LIMA1: variants seen among roughly 807,000 people sequenced by gnomAD.
LIMA1 encodes LIM domain and actin-binding protein 1.
LIMA1 carries 52 observed loss-of-function variants against 62.6 expected under a neutral mutation model. That is an observed-to-expected ratio of 0.83 (90% CI 0.67 to 1.05). LIMA1 has a LOEUF of 1.05. Ranked by LOEUF, LIMA1 falls within the 50% of genes least tolerant of loss-of-function variation. The probability of loss-of-function intolerance (pLI) is 0.00; values close to 1 mark genes in which losing one functional copy is unlikely to be tolerated. For missense variants in LIMA1, 780 were observed against 902.2 expected (o/e 0.86, Z 1.74); for synonymous variants, 302 against 317.8 (o/e 0.95, Z 0.53).
chr12:50,243,988 C>T (rs1335640733), intron 2 of LIMA1, among the ~76,000 whole-genome samples: 1 of 152,054 alleles, frequency 6.6e-6, no homozygotes, highest in Admixed American at 6.5e-5. Context: ...GATCTTGGCT[C>T]ACCACAACCT....
Position 50,178,034 on chromosome 12 carries a change from T to C in LIMA1, c.1310A>G (p.Tyr437Cys), listed in dbSNP as rs1446434339. Reference sequence around the variant, plus strand: ...GAGTTGATTGAAGTGAGGCTTACAATAGATTCTTCCATGTAAAGATGCATA... The same window carrying C: ...GAGTTGATTGAAGTGAGGCTTACAACAGATTCTTCCATGTAAAGATGCATA... ...GTYASLHGRI[Y>C]CKPHFNQLFK... Residue 437 changes from tyrosine to cysteine, a missense_variant, in exon 11 of 11, where the codon TAT (tyrosine) becomes TGT (cysteine). Tyr to Cys is a radical substitution (Grantham distance 194). Transcript: ENST00000341247. The C allele has an allele frequency of 2.6e-6, 4 of 1,555,472 alleles. No individual in the cohort carries two copies. Among genetic ancestry groups the C allele is most frequent in the Admixed American group, 2.1e-5 (1 of 48,494 alleles).
At chr12:50,241,711 T>G (rs1423482940) in intron 2 of LIMA1, among the ~76,000 whole-genome samples, 1 of 152,092 alleles carries the variant, frequency 6.6e-6, no homozygotes, top group Non-Finnish European at 1.5e-5. Context: ...ACTTTTATAT[T>G]TTGTACTCTT....
intron 2 of LIMA1, among the ~76,000 whole-genome samples, chr12:50,244,076 C>T (rs1228637155): frequency 3.4e-5 from 5 of 148,742 alleles, no homozygotes; most frequent in African/African-American, 1.2e-4. Context: ...CACCACCGCC[C>T]AGCTAAATTT....
intron 9 of LIMA1, chr12:50,188,150 G>T (rs1940672706): frequency 6.6e-6 from 1 of 152,134 alleles, no homozygotes; most frequent in Non-Finnish European, 1.5e-5. Flanking sequence ...GAAATGAATT[G>T]AATCTCTACC....
At chr12:50,210,337 C>G (rs928641995) in intron 4 of LIMA1, among the ~76,000 whole-genome samples, 1 of 146,732 alleles carries the variant, frequency 6.8e-6, no homozygotes, top group Non-Finnish European at 1.5e-5. Context: ...GCAGGAGAAT[C>G]GCTTGAACCA....
At chr12:50,250,071 C>G (rs1675852102) in intron 1 of LIMA1, among the ~76,000 whole-genome samples, 1 of 151,752 alleles carries the variant, frequency 6.6e-6, no homozygotes, top group Admixed American at 6.6e-5. Flanking sequence ...GTGGGTGGAT[C>G]ACTTGAGGTC....
chr12:50,221,678 A>G (rs111628148), intron 4 of LIMA1, among the ~76,000 whole-genome samples: 172 of 152,360 alleles, frequency 1.1e-3, no homozygotes, highest in Non-Finnish European at 2.1e-3. Context: ...GCTATTCAGC[A>G]GTAATTCCAC....
At chr12:50,267,307 G>A (rs1188926694) in intron 1 of LIMA1, among the ~76,000 whole-genome samples, 2 of 152,168 alleles carry the variant, frequency 1.3e-5, no homozygotes, top group Admixed American at 1.3e-4. Flanking sequence ...TGCTGACCTC[G>A]TGATCCACCT....
At position 50,252,499 on chromosome 12, in the gene LIMA1, C is replaced by T. The variant is rs1015230578; in HGVS notation, c.-23-3725G>A. ...GGAAGGCTGAGGCAAGAGACTCTCT[C>T]GAACCTGGGAGGCGGAGGTTGCAGT... is the stretch of plus-strand genomic sequence containing the variant. On this transcript the variant is annotated intron_variant, in intron 1 of 10. Coordinates refer to ENST00000341247, the MANE Select transcript of LIMA1 (RefSeq NM_016357.5). Among the ~76,000 whole-genome samples the T allele has an allele frequency of 3.4e-5, 5 of 147,428 alleles. No individual in the cohort carries two copies. In the South Asian group the frequency reaches 8.6e-4, roughly 25 times the overall value.
At chr12:50,236,293 T>A (rs1425735948) in intron 2 of LIMA1, among the ~76,000 whole-genome samples, 2 of 116,214 alleles carry the variant, frequency 1.7e-5, no homozygotes, top group South Asian at 3.5e-4. Context: ...GGAAAATATT[T>A]TTTTTTCTTT....
At chr12:50,273,397 C>G (rs1389636675) in intron 1 of LIMA1, among the ~76,000 whole-genome samples, 2 of 152,138 alleles carry the variant, frequency 1.3e-5, no homozygotes, top group African/African-American at 4.8e-5. Flanking sequence ...GGGGAAAGAT[C>G]ATCACTGTCT....
At chr12:50,263,857 G>GTA (rs67882718) in intron 1 of LIMA1, among the ~76,000 whole-genome samples, 2,469 of 125,634 alleles carry the variant, frequency 0.02, 42 homozygotes, top group Non-Finnish European at 0.026. Flanking sequence ...TATATAGAGA[G>GTA]TATATATATA....
Position 50,205,384 on chromosome 12 carries a change from A to C in LIMA1, c.715+600T>G, listed in dbSNP as rs997851598. Reference sequence around the variant, plus strand: ...CACCATGCCTGGGCTCGTATTTTAAAATTCTGGCTAATTTAACATGAAAAA... The same window carrying C: ...CACCATGCCTGGGCTCGTATTTTAACATTCTGGCTAATTTAACATGAAAAA... On this transcript the variant is annotated intron_variant, in intron 5 of 10. Coordinates refer to ENST00000341247, the MANE Select transcript of LIMA1 (RefSeq NM_016357.5). Among the ~76,000 whole-genome samples the C allele has an allele frequency of 5.3e-5, 8 of 151,994 alleles. No individual in the cohort carries two copies. The East Asian group carries it at 1.2e-3, about 22-fold the overall frequency.
intron 4 of LIMA1, among the ~76,000 whole-genome samples, chr12:50,214,796 C>T (rs937220225): frequency 1.3e-5 from 2 of 152,036 alleles, no homozygotes; most frequent in Non-Finnish European, 2.9e-5. Context: ...ACAGAGCAAA[C>T]AAACAAACAA....
intron 4 of LIMA1, among the ~76,000 whole-genome samples, chr12:50,221,640 T>C (rs2138554428): frequency 6.6e-6 from 1 of 152,288 alleles, no homozygotes; most frequent in Non-Finnish European, 1.5e-5. Context: ...GCCTTAACAC[T>C]CAGTCTGCAG....
chr12:50,208,385 C>G (rs376924928), intron 4 of LIMA1, among the ~76,000 whole-genome samples: 5 of 152,186 alleles, frequency 3.3e-5, no homozygotes, highest in African/African-American at 9.7e-5. Context: ...ACTCAGGAGG[C>G]TGAAGCAGGA....
chr12:50,279,787 A>G (rs1187799742), intron 1 of LIMA1, among the ~76,000 whole-genome samples: 1 of 152,220 alleles, frequency 6.6e-6, no homozygotes, highest in African/African-American at 2.4e-5. Context: ...CTGGAAGCCA[A>G]ATTTTTGCTC....
At chr12:50,234,353 C>T in intron 2 of LIMA1, 1 of 294,490 alleles carries the variant, frequency 3.4e-6, no homozygotes, top group Non-Finnish European at 6.8e-6. Flanking sequence ...GGATTACAGG[C>T]ATGCCCCACC....
intron 6 of LIMA1, chr12:50,201,093 CTG>C (rs1442108031): frequency 7.4e-7 from 1 of 1,346,270 alleles, no homozygotes; most frequent in Non-Finnish European, 9.5e-7. Flanking sequence ...AGTTAAATAT[CTG>C]TATGCTAGTG....
Sources: gnomAD v4.1 joint callset for allele counts (sites outside exome capture counted in the v4.1 genomes callset) on GRCh38, gnomAD v4.1.1 for gene constraint, MANE v1.5 for transcripts, NCBI Gene and HGNC (gene_info 2026-07-23, HGNC 2026-07-21) for gene names.